Variants in WDR49 observed in about 807,000 individuals in gnomAD.
WDR49 encodes WD repeat domain 49.
A neutral mutation model predicts 119.5 loss-of-function variants in WDR49; 107 were observed. The ratio of observed to expected loss-of-function variants is 0.90; its 90% CI spans 0.77 to 1.05. The LOEUF (loss-of-function observed/expected upper bound fraction) is 1.05. Among genes scored for constraint, WDR49 ranks in the 50% least tolerant of loss-of-function variants. The probability of loss-of-function intolerance (pLI) is 0.00; values close to 1 mark genes in which losing one functional copy is unlikely to be tolerated. For missense variants in WDR49, 1,240 were observed against 1,220.5 expected (o/e 1.02, Z -0.24); for synonymous variants, 425 against 418.8 (o/e 1.01, Z -0.18).
chr3:167,613,647 T>C (rs1384501448), intron 5 of WDR49, among the ~76,000 whole-genome samples: 1 of 152,072 alleles, frequency 6.6e-6, no homozygotes, highest in Admixed American at 6.6e-5. Context: ...TTCCACTAAT[T>C]AGTGCAGCAA....
intron 5 of WDR49, among the ~76,000 whole-genome samples, chr3:167,608,442 C>T (rs1439717336): frequency 2.0e-5 from 3 of 152,096 alleles, no homozygotes; most frequent in South Asian, 2.1e-4. Flanking sequence ...CTCTGGCATC[C>T]GAAGTATTGC....
chr3:167,621,692 A>G (rs777848873), intron 3 of WDR49, 49 bp from the exon 4 acceptor site: 47 of 1,475,482 alleles, frequency 3.2e-5, no homozygotes, highest in Non-Finnish European at 1.4e-5. Context: ...TGGATTTAGC[A>G]AAATTAATAT....
At chr3:167,580,552 G>A (rs1714481408) in intron 7 of WDR49, among the ~76,000 whole-genome samples, 1 of 152,064 alleles carries the variant, frequency 6.6e-6, no homozygotes, top group Non-Finnish European at 1.5e-5. Context: ...TTGTTTTAAG[G>A]TCAATGATAA....
chr3:167,539,665 C>T (rs913841823), intron 10 of WDR49, among the ~76,000 whole-genome samples: 1 of 152,062 alleles, frequency 6.6e-6, no homozygotes, highest in Non-Finnish European at 1.5e-5. Flanking sequence ...AAATATCTGT[C>T]ACATAAATGA....
At chr3:167,503,769 A>G (rs1751665645) in intron 17 of WDR49, among the ~76,000 whole-genome samples, 1 of 152,136 alleles carries the variant, frequency 6.6e-6, no homozygotes, top group Non-Finnish European at 1.5e-5. Flanking sequence ...ACAAACATGG[A>G]CCAGAAGAGT....
chr3:167,573,833 G>T (rs1259167607), intron 8 of WDR49, among the ~76,000 whole-genome samples: 1 of 152,044 alleles, frequency 6.6e-6, no homozygotes, highest in Non-Finnish European at 1.5e-5. Flanking sequence ...TAACTCCCAC[G>T]ATGTCTGCAA....
rs1402067857 is a variant in WDR49, at chr3:167,614,366, T to C, written c.958+6063A>G. On this transcript the variant is annotated intron_variant, in intron 5 of 18. Coordinates refer to ENST00000682715, the MANE Select transcript of WDR49 (RefSeq NM_001366157.1). ...CGCCCACCTCGGCTTCCCAAAATGC[T>C]GTGATTACAGACATGAGCCACCTGG... Among the ~76,000 whole-genome samples, 3 of 152,192 alleles carry C rather than the reference T, an allele frequency of 2.0e-5. No individual in the cohort carries two copies. In the East Asian group the frequency reaches 5.8e-4, roughly 29 times the overall value.
chr3:167,629,342 A>G (rs562905288), intron 2 of WDR49, among the ~76,000 whole-genome samples: 4 of 152,106 alleles, frequency 2.6e-5, no homozygotes, highest in African/African-American at 9.7e-5. Context: ...CTGAATATAC[A>G]GTGTGGTTTA....
Position 167,602,267 on chromosome 3 carries a change from C to T in WDR49, c.1135G>A (p.Gly379Ser). ...CAAAGGCAAACTTTATTGTTAATGC[C>T]AGCAGTTGCTAATCAGAATTAGAAA... ...HSRLNLIATA[G>S]INNKVCLWNP... Residue 379 changes from glycine to serine, a missense_variant, in exon 7 of 19, where the codon GGC (glycine) becomes AGC (serine). Transcript: ENST00000682715. 1 of 1,570,086 alleles carries T rather than the reference C, an allele frequency of 6.4e-7. No homozygotes were observed. Among genetic ancestry groups the T allele is most frequent in the Non-Finnish European group, 8.7e-7 (1 of 1,151,070 alleles).
chr3:167,516,617 T>C (rs964003915), intron 16 of WDR49, among the ~76,000 whole-genome samples: 1 of 152,114 alleles, frequency 6.6e-6, no homozygotes, highest in African/African-American at 2.4e-5. Flanking sequence ...ATATACCCAG[T>C]AATGGGATGG....
At chr3:167,548,605 T>C (rs375458339) in intron 10 of WDR49, among the ~76,000 whole-genome samples, 1 of 151,994 alleles carries the variant, frequency 6.6e-6, no homozygotes, top group African/African-American at 2.4e-5. Flanking sequence ...AAAATGTTAA[T>C]TGAGCTCAGG....
At position 167,653,295 on chromosome 3, in the gene WDR49, A is replaced by T; in HGVS notation, c.131T>A (p.Val44Glu). Residue 44 changes from valine to glutamate, a missense_variant, in exon 2 of 19, where the codon GTG becomes GAG. Physicochemically the swap from Val to Glu is moderately radical, Grantham distance 121. Coordinates refer to ENST00000682715, the MANE Select transcript of WDR49 (RefSeq NM_001366157.1). ...CTTCTGTATTTTTACAAAGTCACCC[A>T]CGCTGAGTTGGTTTTCAAGCAGGCC... ...GTGLLENQLSVGDFVKIQKAF... is the reference protein window; with the variant it reads ...GTGLLENQLSEGDFVKIQKAF... The T allele has an allele frequency of 6.5e-7, 1 of 1,536,202 alleles. No homozygotes were observed. Among genetic ancestry groups the T allele is most frequent in the Non-Finnish European group, 8.7e-7 (1 of 1,146,898 alleles).
intron 2 of WDR49, among the ~76,000 whole-genome samples, chr3:167,641,107 G>A (rs947765966): frequency 3.3e-5 from 5 of 151,870 alleles, no homozygotes. Context: ...GCAGGCAGAG[G>A]TGATTTTACA....
Position 167,627,121 on chromosome 3 carries a change from C to T in WDR49, c.337G>A (p.Glu113Lys), listed in dbSNP as rs549046554. ...WDKLTSFILL[E>K]LYEQDERAKA... ...GCTCGTTCATCTTGCTCATAAAGCT[C>T]TAGCAGTATAAATGAAGTCAGCTTG... Residue 113 changes from glutamate to lysine, a missense_variant, in exon 3 of 19, where the codon GAG (glutamate) becomes AAG (lysine). Coordinates refer to ENST00000682715, the MANE Select transcript of WDR49 (RefSeq NM_001366157.1). The T allele has an allele frequency of 5.5e-5, 70 of 1,280,062 alleles. No homozygotes were observed. In the Admixed American group the frequency reaches 9.3e-4, roughly 17 times the overall value. 79.3% of individuals were successfully genotyped at this position (1,280,062 alleles called of 1,614,324 possible).
At chr3:167,602,038 A>C (rs1338069975) in intron 7 of WDR49, 89 bp downstream of exon 7, 51 of 1,426,578 alleles carry the variant, frequency 3.6e-5, no homozygotes, top group Non-Finnish European at 4.3e-5. Flanking sequence ...AACTGACACG[A>C]TCTCTCAGAG....
chr3:167,568,611 C>T lies in WDR49; in HGVS notation c.1509+7307G>A, dbSNP rs965393971. 2.0e-5 allele frequency among the ~76,000 whole-genome samples: 3 copies of T among 152,262 alleles called. No individual in the cohort carries two copies. The East Asian group carries it at 5.8e-4, about 29-fold the overall frequency. ...AGCAACCACAGCTGCAGACCTCAAC[C>T]TATGGTACATATCAAGCAAATCAAC... is the stretch of plus-strand genomic sequence containing the variant. On this transcript the variant is annotated intron_variant, in intron 8 of 18. Transcript: ENST00000682715.
Position 167,527,927 on chromosome 3 carries a change from AGGAACTTATTC to A in WDR49, c.2486_2496del (p.Arg829LeufsTer5), listed in dbSNP as rs1440877265. 6.2e-7 allele frequency: 1 copy of A among 1,613,278 alleles called. No individual in the cohort carries two copies. The highest frequency in any genetic ancestry group is 1.3e-5 in the African/African-American group (1 of 74,876). On this transcript the variant is annotated frameshift_variant, in exon 15 of 19. Transcript: ENST00000682715. LOFTEE classifies it high-confidence loss of function. ...TGACCACCTGGCTCACACATCTCTA[AGGAACTTATTC>A]GGTCCTCATGAGGTTGGAATGATCT...
intron 5 of WDR49, among the ~76,000 whole-genome samples, chr3:167,616,857 T>C (rs568686844): frequency 2.0e-5 from 3 of 152,290 alleles, no homozygotes; most frequent in African/African-American, 7.2e-5. Context: ...TTGTATTATG[T>C]GTTATACTGG....
At chr3:167,577,174 C>A (rs1221554998) in intron 7 of WDR49, among the ~76,000 whole-genome samples, 4 of 151,988 alleles carry the variant, frequency 2.6e-5, no homozygotes, top group African/African-American at 9.7e-5. Context: ...ATTGTTTTTC[C>A]TTTTCTTCTA....
Sources: gnomAD v4.1 joint callset for allele counts (sites outside exome capture counted in the v4.1 genomes callset) on GRCh38, gnomAD v4.1.1 for gene constraint, MANE v1.5 for transcripts, NCBI Gene and HGNC (gene_info 2026-07-23, HGNC 2026-07-21) for gene names.